NEK7: variants seen among roughly 807,000 people sequenced by gnomAD.
The protein encoded by NEK7 is serine/threonine-protein kinase Nek7.
In NEK7, 18 loss-of-function variants were observed where a neutral mutation model predicts 44.6. The observed-to-expected ratio is 0.40, with a 90% CI of 0.28 to 0.60. The LOEUF (loss-of-function observed/expected upper bound fraction) is 0.60, where lower values mean the gene tolerates loss of function less well. NEK7 is among the 20% of genes least tolerant of loss of function. NEK7 has a pLI of 0.38. For synonymous variants in NEK7, 130 were observed against 121.1 expected (o/e 1.07, Z -0.48); for missense variants, 256 against 366.5 (o/e 0.70, Z 2.46).
chr1:198,313,527 C>G (rs2103040009), intron 9 of NEK7, among the ~76,000 whole-genome samples: 1 of 132,918 alleles, frequency 7.5e-6, no homozygotes, highest in Admixed American at 7.8e-5. Flanking sequence ...GCAGTTTCTT[C>G]CTAGTCTCGA....
At chr1:198,272,602 AGACT>A (rs898347081) in intron 5 of NEK7, among the ~76,000 whole-genome samples, 109 of 151,970 alleles carry the variant, frequency 7.2e-4, no homozygotes, top group Middle Eastern at 6.8e-3. Flanking sequence ...TTCTCCTCGA[AGACT>A]GACTGACTGT....
chr1:198,183,436 A>T (rs1009768350), intron 1 of NEK7, among the ~76,000 whole-genome samples: 2 of 152,160 alleles, frequency 1.3e-5, no homozygotes, highest in African/African-American at 2.4e-5. Flanking sequence ...ATGTTTTTTT[A>T]AAAAAGAATG....
intron 9 of NEK7, among the ~76,000 whole-genome samples, chr1:198,311,907 G>A (rs1444340174): frequency 6.6e-6 from 1 of 151,936 alleles, no homozygotes; most frequent in African/African-American, 2.4e-5. Flanking sequence ...CCCTTTTTTG[G>A]TTGTGTCTCT....
rs71133921 is a variant in NEK7 at position 198,289,131 on chromosome 1, TTGTGTGTGTGTG to T, written c.590-3788_590-3777del. Among the ~76,000 whole-genome samples the T allele has an allele frequency of 1.6e-3, 244 of 148,870 alleles. 3 individuals are homozygous for T. The East Asian group carries it at 0.023, about 14-fold the overall frequency. ...GGAAATTAAGTCCTATTCCCTGAAG[TTGTGTGTGTGTG>T]TGTGTGTGTGTGTGTGTGTGTGTGT... On this transcript the variant is annotated intron_variant, in intron 7 of 9. Coordinates refer to ENST00000367385, the MANE Select transcript of NEK7 (RefSeq NM_133494.3).
At chr1:198,277,798 C>T in intron 5 of NEK7, 163 bp from the exon 6 acceptor site, 1 of 558,880 alleles carries the variant, frequency 1.8e-6, no homozygotes, top group South Asian at 2.4e-5. Context: ...GCCATTATGT[C>T]AGATAAAATT....
chr1:198,228,697 A>G (rs868558541), intron 1 of NEK7, among the ~76,000 whole-genome samples: 2 of 152,256 alleles, frequency 1.3e-5, no homozygotes, highest in African/African-American at 2.4e-5. Context: ...AAGAATGCTT[A>G]TGATTTTTGC....
intron 1 of NEK7, among the ~76,000 whole-genome samples, chr1:198,207,954 C>T (rs1489400990): frequency 1.3e-5 from 2 of 152,066 alleles, no homozygotes; most frequent in South Asian, 2.1e-4. Context: ...ACCCTTAGAA[C>T]ACTTCAACTT....
chr1:198,173,684 T>C (rs1196934388), intron 1 of NEK7, among the ~76,000 whole-genome samples: 1 of 152,132 alleles, frequency 6.6e-6, no homozygotes, highest in Non-Finnish European at 1.5e-5. Flanking sequence ...TTCAGGTTTC[T>C]GAAAACAAAA....
At chr1:198,295,071 A>G (rs1048875191) in intron 8 of NEK7, among the ~76,000 whole-genome samples, 5 of 151,384 alleles carry the variant, frequency 3.3e-5, no homozygotes, top group Admixed American at 1.3e-4. Context: ...TAGACTTTCA[A>G]ATATTCCTGA....
intron 1 of NEK7, among the ~76,000 whole-genome samples, chr1:198,229,935 C>T: frequency 6.6e-6 from 1 of 152,054 alleles, no homozygotes; most frequent in East Asian, 1.9e-4. Context: ...AGCAAAACCA[C>T]TTTATTATAA....
rs1007599526 is a variant in NEK7, at chr1:198,190,286, T to C, written c.-29+33010T>C. Among the ~76,000 whole-genome samples, 9 of 152,102 alleles carry C rather than the reference T, an allele frequency of 5.9e-5. No homozygotes were observed. In the East Asian group the frequency reaches 1.5e-3, roughly 26 times the overall value. Reference sequence around the variant, plus strand: ...TCAGTTGCAACAAACAACAGACTTTTAGAGACTCCTCTAAATTTCAGCGTG... The same window carrying C: ...TCAGTTGCAACAAACAACAGACTTTCAGAGACTCCTCTAAATTTCAGCGTG... On this transcript the variant is annotated intron_variant, in intron 1 of 9. Transcript: ENST00000367385.
chr1:198,320,645 G>A lies in NEK7; in HGVS notation c.*1123G>A, dbSNP rs1558110963. ...AACTTTTTAAAATTTGGGCCACTCT[G>A]TATGCATATGTTTGGTCTTGTTAAA... On this transcript the variant is annotated 3_prime_UTR_variant, in exon 10 of 10. Coordinates refer to ENST00000367385, the MANE Select transcript of NEK7 (RefSeq NM_133494.3). The A allele has an allele frequency of 6.6e-6, 1 of 152,014 alleles. No individual in the cohort carries two copies. The allele number at this position is 152,014 out of a possible 1,614,324, so 9.4% of individuals were successfully genotyped here.
chr1:198,175,882 G>C (rs946929595), intron 1 of NEK7, among the ~76,000 whole-genome samples: 1 of 152,162 alleles, frequency 6.6e-6, no homozygotes. Flanking sequence ...CTTGAGAACT[G>C]TTCTTCCAGC....
chr1:198,206,613 C>T (rs1665607685), intron 1 of NEK7, among the ~76,000 whole-genome samples: 1 of 151,806 alleles, frequency 6.6e-6, no homozygotes, highest in South Asian at 2.1e-4. Flanking sequence ...GTGTATTGCC[C>T]TATTGGGAAA....
chr1:198,296,458 T>C (rs1205849973), intron 8 of NEK7, among the ~76,000 whole-genome samples: 2 of 152,224 alleles, frequency 1.3e-5, no homozygotes, highest in South Asian at 4.1e-4. Context: ...TTGTTCATCC[T>C]TTGGGTCGTG....
intron 1 of NEK7, among the ~76,000 whole-genome samples, chr1:198,173,013 T>A (rs1446005908): frequency 6.6e-6 from 1 of 152,216 alleles, no homozygotes; most frequent in Non-Finnish European, 1.5e-5. Context: ...TATCTCATGC[T>A]CAGCAGAGAG....
intron 1 of NEK7, among the ~76,000 whole-genome samples, chr1:198,167,878 G>C (rs1366519086): frequency 6.6e-6 from 1 of 152,178 alleles, no homozygotes; most frequent in African/African-American, 2.4e-5. Context: ...CTGGGACTTT[G>C]ATAACAAGTG....
intron 1 of NEK7, among the ~76,000 whole-genome samples, chr1:198,227,692 C>T (rs1406638192): frequency 6.6e-6 from 1 of 152,152 alleles, no homozygotes; most frequent in African/African-American, 2.4e-5. Context: ...TGTTCATATC[C>T]TTCGCCCACT....
intron 2 of NEK7, among the ~76,000 whole-genome samples, chr1:198,238,543 A>G (rs1375339256): frequency 6.6e-6 from 1 of 152,168 alleles, no homozygotes; most frequent in Non-Finnish European, 1.5e-5. Flanking sequence ...GTGTTTACTG[A>G]TTATTGTGCT....
Sources: gnomAD v4.1 joint callset for allele counts (sites outside exome capture counted in the v4.1 genomes callset) on GRCh38, gnomAD v4.1.1 for gene constraint, MANE v1.5 for transcripts, NCBI Gene and HGNC (gene_info 2026-07-23, HGNC 2026-07-21) for gene names.